FBXL17: variants seen among roughly 807,000 people sequenced by gnomAD.
FBXL17 encodes the protein F-box/LRR-repeat protein 17.
FBXL17 carries 22 observed loss-of-function variants against 66.2 expected under a neutral mutation model. That is an observed-to-expected ratio of 0.33 (90% CI 0.24 to 0.47). The LOEUF (loss-of-function observed/expected upper bound fraction) is 0.47. Among genes scored for constraint, FBXL17 ranks in the 20% least tolerant of loss-of-function variants. The pLI is 1.00. For synonymous variants in FBXL17, 474 were observed against 400.5 expected, an observed-to-expected ratio of 1.18 and a Z score of -2.19; for missense variants, 878 against 948.2, an observed-to-expected ratio of 0.93 and a Z score of 0.97.
intron 4 of FBXL17, among the ~76,000 whole-genome samples, chr5:108,309,944 A>G (rs893545047): frequency 6.6e-6 from 1 of 152,180 alleles, no homozygotes; most frequent in Non-Finnish European, 1.5e-5. Context: ...GTTCAAATAA[A>G]AACAATTCTG....
At chr5:108,082,942 TG>T (rs1474692750) in intron 6 of FBXL17, among the ~76,000 whole-genome samples, 1 of 152,110 alleles carries the variant, frequency 6.6e-6, no homozygotes. Flanking sequence ...TTTAAAGAAA[TG>T]TACTTTTCAA....
chr5:108,113,072 T>A (rs1347446164), intron 6 of FBXL17, among the ~76,000 whole-genome samples: 1 of 152,178 alleles, frequency 6.6e-6, no homozygotes. Flanking sequence ...TTGACTGCAA[T>A]CTAGAGTTTG....
chr5:108,369,895 T>G (rs1246826088), intron 1 of FBXL17, among the ~76,000 whole-genome samples: 1 of 152,024 alleles, frequency 6.6e-6, no homozygotes, highest in Non-Finnish European at 1.5e-5. Flanking sequence ...ACCTATACAT[T>G]TAAGAAAGAT....
chr5:108,120,640 G>A (rs527333517), intron 6 of FBXL17, among the ~76,000 whole-genome samples: 11 of 152,034 alleles, frequency 7.2e-5, no homozygotes, highest in Non-Finnish European at 1.3e-4. Flanking sequence ...AGACCAGCCT[G>A]GTCAACACAG....
At chr5:108,220,070 A>G (rs2150071566) in intron 5 of FBXL17, among the ~76,000 whole-genome samples, 1 of 151,442 alleles carries the variant, frequency 6.6e-6, no homozygotes, top group East Asian at 1.9e-4. Flanking sequence ...TTATCTAAGT[A>G]GTACTTTAGT....
intron 6 of FBXL17, among the ~76,000 whole-genome samples, chr5:108,165,295 G>C (rs1019473862): frequency 6.6e-6 from 1 of 150,492 alleles, no homozygotes; most frequent in Admixed American, 6.7e-5. Context: ...GAAGGAAGTG[G>C]GTAAGTTACA....
chr5:108,177,056 T>C (rs1445312719), intron 6 of FBXL17, among the ~76,000 whole-genome samples: 1 of 152,194 alleles, frequency 6.6e-6, no homozygotes, highest in Non-Finnish European at 1.5e-5. Flanking sequence ...TTAGAACCAG[T>C]AGTCTCCTTT....
chr5:108,073,517 C>A (rs911249699), intron 6 of FBXL17, among the ~76,000 whole-genome samples: 1 of 151,754 alleles, frequency 6.6e-6, no homozygotes, highest in Non-Finnish European at 1.5e-5. Context: ...CGAAAAATAA[C>A]CAAAACTAAA....
Position 108,069,938 on chromosome 5 carries a change from T to C in FBXL17, c.1746-48937A>G, listed in dbSNP as rs371138398. Among the ~76,000 whole-genome samples, 49 of 152,308 alleles carry C rather than the reference T, an allele frequency of 3.2e-4. No homozygotes were observed. In the South Asian group the frequency reaches 7.2e-3, roughly 23 times the overall value. Reference sequence around the variant, plus strand: ...CAGTGGTCAAATAACAAAACTAATCTGTAGAAACAGTCTTACAAAGAGAAT... The same window carrying C: ...CAGTGGTCAAATAACAAAACTAATCCGTAGAAACAGTCTTACAAAGAGAAT... On this transcript the variant is annotated intron_variant, in intron 6 of 8. Transcript: ENST00000542267.
At chr5:108,345,988 C>A (rs1580859115) in intron 4 of FBXL17, among the ~76,000 whole-genome samples, 1 of 152,148 alleles carries the variant, frequency 6.6e-6, no homozygotes, top group East Asian at 1.9e-4. Context: ...AGTTGAAATT[C>A]TTTTGGCATT....
chr5:107,974,433 A>AT (rs1752504894), intron 7 of FBXL17, among the ~76,000 whole-genome samples: 1 of 152,152 alleles, frequency 6.6e-6, no homozygotes, highest in Non-Finnish European at 1.5e-5. Context: ...ACTTATAAAG[A>AT]CTTTTTTCAC....
intron 1 of FBXL17, among the ~76,000 whole-genome samples, chr5:108,379,436 T>A (rs1043792713): frequency 6.6e-6 from 1 of 152,194 alleles, no homozygotes; most frequent in Admixed American, 6.5e-5. Flanking sequence ...AATTAGATCA[T>A]TACATTTTGA....
chr5:108,191,726 G>A (rs1176799540), intron 5 of FBXL17, among the ~76,000 whole-genome samples: 4 of 152,194 alleles, frequency 2.6e-5, no homozygotes, highest in South Asian at 4.1e-4. Flanking sequence ...CAATAAGGTA[G>A]ACTAGATGAC....
intron 6 of FBXL17, among the ~76,000 whole-genome samples, chr5:108,116,492 A>AT (rs1343926239): frequency 6.6e-6 from 1 of 151,118 alleles, no homozygotes; most frequent in Non-Finnish European, 1.5e-5. Context: ...ACAAAAAAAA[A>AT]AAAAAATTAG....
intron 3 of FBXL17, among the ~76,000 whole-genome samples, chr5:108,355,543 A>G (rs1747932677): frequency 6.6e-6 from 1 of 152,108 alleles, no homozygotes; most frequent in African/African-American, 2.4e-5. Context: ...TCAGCCTCCC[A>G]AAGTGCTGGA....
intron 8 of FBXL17, chr5:107,880,518 C>A (rs1252055390): frequency 2.0e-6 from 2 of 1,001,008 alleles, no homozygotes; most frequent in Non-Finnish European, 2.4e-6. Context: ...GGAGTGGCAT[C>A]TGATGTATGG....
At chr5:108,115,293 C>A (rs1430731799) in intron 6 of FBXL17, among the ~76,000 whole-genome samples, 2 of 151,654 alleles carry the variant, frequency 1.3e-5, no homozygotes, top group Non-Finnish European at 2.9e-5. Flanking sequence ...TTTTTTTAAG[C>A]CTAAGTCAGT....
At chr5:108,081,689 T>C (rs1005727884) in intron 6 of FBXL17, among the ~76,000 whole-genome samples, 5 of 151,912 alleles carry the variant, frequency 3.3e-5, no homozygotes, top group Non-Finnish European at 7.4e-5. Flanking sequence ...TGCCACTGCA[T>C]TCCAGCCTGG....
chr5:108,103,525 G>GA (rs1749678138), intron 6 of FBXL17, among the ~76,000 whole-genome samples: 1 of 151,670 alleles, frequency 6.6e-6, no homozygotes, highest in African/African-American at 2.4e-5. Context: ...TCTAATTTAG[G>GA]AAAAAATGAA....
Sources: gnomAD v4.1 joint callset for allele counts (sites outside exome capture counted in the v4.1 genomes callset) on GRCh38, gnomAD v4.1.1 for gene constraint, MANE v1.5 for transcripts, NCBI Gene and HGNC (gene_info 2026-07-23, HGNC 2026-07-21) for gene names.